Variants in ZNF608 observed in about 807,000 individuals in gnomAD.
ZNF608 encodes the protein renal carcinoma antigen NY-REN-36.
In ZNF608, 12 loss-of-function variants were observed where a neutral mutation model predicts 109.0. That is an observed-to-expected ratio of 0.11 (90% CI 0.07 to 0.18). ZNF608 has a LOEUF of 0.18. Ranked by LOEUF, ZNF608 falls within the 10% of genes least tolerant of loss-of-function variation. The pLI is 1.00. For missense variants in ZNF608, 1,707 were observed against 1,879.3 expected (o/e 0.91, Z 1.70); for synonymous variants, 732 against 717.4 (o/e 1.02, Z -0.33).
rs552897312 is a variant in ZNF608 at position 124,722,702 on chromosome 5, T to C, written c.906+21382A>G. ...TGGGGGTTGAGGGTTGGAGAAGATA[T>C]CTTCAAATAAGCTATCTGAAGCTTT... On this transcript the variant is annotated intron_variant, in intron 2 of 9. Coordinates refer to ENST00000513986, the MANE Select transcript of ZNF608 (RefSeq NM_020747.3). Among the ~76,000 whole-genome samples, 54 of 152,056 alleles carry C rather than the reference T, an allele frequency of 3.6e-4. No homozygotes were observed. In the South Asian group the frequency reaches 8.7e-3, roughly 25 times the overall value.
intron 3 of ZNF608, among the ~76,000 whole-genome samples, chr5:124,667,856 C>G (rs914013163): frequency 1.3e-5 from 2 of 152,078 alleles, no homozygotes; most frequent in African/African-American, 2.4e-5. Context: ...AAATGGAACC[C>G]AGTTTGTGAC....
chr5:124,707,073 C>T (rs1473769408), intron 2 of ZNF608, among the ~76,000 whole-genome samples: 2 of 152,142 alleles, frequency 1.3e-5, no homozygotes, highest in Non-Finnish European at 2.9e-5. Context: ...CAAGGGCTTC[C>T]TGAGTGCTGA....
intron 3 of ZNF608, among the ~76,000 whole-genome samples, chr5:124,690,339 C>T (rs752175603): frequency 6.6e-6 from 1 of 152,158 alleles, no homozygotes; most frequent in African/African-American, 2.4e-5. Context: ...CTGATTGTAT[C>T]ACACCATGGG....
At chr5:124,657,098 T>A (rs1751044875) in intron 3 of ZNF608, among the ~76,000 whole-genome samples, 1 of 152,216 alleles carries the variant, frequency 6.6e-6, no homozygotes, top group Admixed American at 6.5e-5. Flanking sequence ...AAGCCCAAGC[T>A]GCTTTTTTCT....
chr5:124,664,961 G>C (rs13178995), intron 3 of ZNF608, among the ~76,000 whole-genome samples: 20,237 of 151,986 alleles, frequency 0.13, 1,407 homozygotes, highest in East Asian at 0.22. Context: ...GGATCACGAG[G>C]TCAGGAGTTT....
At chr5:124,669,433 G>A (rs572561852) in intron 3 of ZNF608, among the ~76,000 whole-genome samples, 1 of 152,292 alleles carries the variant, frequency 6.6e-6, no homozygotes, top group South Asian at 2.1e-4. Flanking sequence ...CTCTCATGGA[G>A]ATGGTTCAGC....
intron 3 of ZNF608, chr5:124,666,397 A>C (rs1389042972): frequency 6.6e-6 from 1 of 152,184 alleles, no homozygotes; most frequent in Non-Finnish European, 1.5e-5. Context: ...CATTGCTTCT[A>C]ATAGGCACTT....
At chr5:124,637,973 G>A (rs766772367) in intron 9 of ZNF608, 67 bp from the exon 10 acceptor site, 204 of 1,585,034 alleles carry the variant, frequency 1.3e-4, no homozygotes, top group Non-Finnish European at 1.3e-4. Context: ...TTTTTGAGTC[G>A]GAGTTTTGCT....
chr5:124,678,051 G>A (rs1471435998), intron 3 of ZNF608, among the ~76,000 whole-genome samples: 1 of 152,112 alleles, frequency 6.6e-6, no homozygotes, highest in Non-Finnish European at 1.5e-5. Flanking sequence ...CATGGCTTTT[G>A]GCAGCCAACC....
At chr5:124,700,647 T>C (rs1203493310) in intron 3 of ZNF608, among the ~76,000 whole-genome samples, 1 of 152,202 alleles carries the variant, frequency 6.6e-6, no homozygotes, top group East Asian at 1.9e-4. Context: ...AAAACAACCA[T>C]GTCAAGACAG....
At chr5:124,676,960 A>G (rs1481420254) in intron 3 of ZNF608, among the ~76,000 whole-genome samples, 1 of 152,224 alleles carries the variant, frequency 6.6e-6, no homozygotes, top group Admixed American at 6.5e-5. Context: ...AGGGTTAAGG[A>G]AGGATCACTG....
chr5:124,720,206 G>C (rs1051340286), intron 2 of ZNF608, among the ~76,000 whole-genome samples: 1 of 152,190 alleles, frequency 6.6e-6, no homozygotes, highest in Non-Finnish European at 1.5e-5. Context: ...TTATCTGAGC[G>C]AATGTATTTG....
At chr5:124,719,453 T>G (rs1294777463) in intron 2 of ZNF608, among the ~76,000 whole-genome samples, 2 of 152,240 alleles carry the variant, frequency 1.3e-5, no homozygotes, top group Non-Finnish European at 2.9e-5. Flanking sequence ...TGCATTCATA[T>G]CTGTAGAACA....
chr5:124,653,198 T>A (rs1409874204), intron 3 of ZNF608, among the ~76,000 whole-genome samples: 1 of 152,228 alleles, frequency 6.6e-6, no homozygotes, highest in Non-Finnish European at 1.5e-5. Context: ...TTCTTCTTTG[T>A]ACTGTTAACA....
At chr5:124,714,793 C>T (rs1753631361) in intron 2 of ZNF608, among the ~76,000 whole-genome samples, 1 of 152,168 alleles carries the variant, frequency 6.6e-6, no homozygotes, top group Admixed American at 6.5e-5. Flanking sequence ...GCTAAACCAA[C>T]ACATTAAAAA....
At chr5:124,660,996 T>C (rs753103436) in intron 3 of ZNF608, among the ~76,000 whole-genome samples, 23 of 152,234 alleles carry the variant, frequency 1.5e-4, no homozygotes, top group Admixed American at 3.9e-4. Flanking sequence ...ATGTGGCCTA[T>C]CTTTCTTTTA....
rs1380745987 is a variant in ZNF608, at chr5:124,637,082, T to C, written c.*818A>G. ...GTCTCTCTCTTCTAAAACTGGATAA[T>C]TGTAAACATTAAAAAAAAAAAAAGA... On this transcript the variant is annotated 3_prime_UTR_variant, in exon 10 of 10. Transcript: ENST00000513986. 1 of 106,460 alleles carries C rather than the reference T, an allele frequency of 9.4e-6. No individual in the cohort carries two copies. The highest frequency in any genetic ancestry group is 1.9e-5 in the Non-Finnish European group (1 of 53,388). The allele number at this position is 106,460 out of a possible 1,614,324, so 6.6% of individuals were successfully genotyped here. A position where few individuals can be genotyped will look rare whatever the true frequency, so the allele number is the denominator to read the frequency against.
intron 3 of ZNF608, among the ~76,000 whole-genome samples, chr5:124,660,714 T>G (rs1463729853): frequency 6.6e-6 from 1 of 152,170 alleles, no homozygotes; most frequent in Admixed American, 6.5e-5. Flanking sequence ...GGATATTAAA[T>G]AAGATGTGAT....
intron 3 of ZNF608, among the ~76,000 whole-genome samples, chr5:124,682,487 C>T (rs991796470): frequency 2.0e-5 from 3 of 152,204 alleles, no homozygotes; most frequent in African/African-American, 4.8e-5. Context: ...GCAATGGCAT[C>T]TTCAGAATGG....
Sources: gnomAD v4.1 joint callset for allele counts (sites outside exome capture counted in the v4.1 genomes callset) on GRCh38, gnomAD v4.1.1 for gene constraint, MANE v1.5 for transcripts, NCBI Gene and HGNC (gene_info 2026-07-23, HGNC 2026-07-21) for gene names.